Variants in BAZ1A observed in about 807,000 individuals in gnomAD.
The protein encoded by BAZ1A is bromodomain adjacent to zinc finger domain protein 1A.
A neutral mutation model predicts 185.2 loss-of-function variants in BAZ1A; 50 were observed. The observed-to-expected ratio is 0.27, with a 90% confidence interval of 0.22 to 0.34. The LOEUF (loss-of-function observed/expected upper bound fraction) is 0.34. BAZ1A is among the 10% of genes least tolerant of loss of function. The pLI is 1.00. For synonymous variants in BAZ1A, 571 were observed against 615.6 expected (o/e 0.93, Z 1.07); for missense variants, 1,356 against 1,839.9 (o/e 0.74, Z 4.81).
intron 2 of BAZ1A, among the ~76,000 whole-genome samples, chr14:34,872,934 A>ACAAAAAC (rs2042973752): frequency 7.7e-6 from 1 of 129,154 alleles, no homozygotes; most frequent in Non-Finnish European, 1.8e-5. Context: ...AAAAAAAAAA[A>ACAAAAAC]AAAAAAACTT....
chr14:34,824,125 C>G, intron 4 of BAZ1A, among the ~76,000 whole-genome samples: 1 of 150,086 alleles, frequency 6.7e-6, no homozygotes, highest in East Asian at 1.9e-4. Flanking sequence ...AATCCCAGCA[C>G]TTCAAGAGAC....
rs1388472438 is a variant in BAZ1A, at chr14:34,761,876, G to A, written c.4124C>T (p.Pro1375Leu). The change falls in exon 24 of 27, where the codon CCT becomes CTT. Residue 1375 changes from proline (P) to leucine (L), a missense_variant. By Grantham distance (98) the Pro-to-Leu change is moderately conservative. This residue lies in a region of BAZ1A where 309 missense variants were observed against 355.3 expected (regional missense o/e 0.87). Coordinates refer to ENST00000360310, the MANE Select transcript of BAZ1A (RefSeq NM_013448.3). ...CTTTGTGGCAATGACTCTGAAGTTA[G>A]GGAAGTTGGGACTATTTTCTGGTGT... is the stretch of plus-strand genomic sequence containing the variant. Reference protein sequence around the residue: ...NNTPENSPNFPNFRVIATKSS... With the variant: ...NNTPENSPNFLNFRVIATKSS... 2 of 1,614,198 alleles carry A rather than the reference G, an allele frequency of 1.2e-6. No individual in the cohort carries two copies. Among genetic ancestry groups the A allele is most frequent in the Non-Finnish European group, 1.7e-6 (2 of 1,180,034 alleles).
At chr14:34,813,584 T>C (rs1594866366) in intron 4 of BAZ1A, among the ~76,000 whole-genome samples, 1 of 152,250 alleles carries the variant, frequency 6.6e-6, no homozygotes, top group East Asian at 1.9e-4. Context: ...CTCAGGAGGC[T>C]GAGGCAGGAG....
chr14:34,782,276 G>A (rs1880084991), intron 16 of BAZ1A, among the ~76,000 whole-genome samples: 1 of 152,206 alleles, frequency 6.6e-6, no homozygotes, highest in Admixed American at 6.5e-5. Flanking sequence ...TGGGTGTGAA[G>A]TGGTATCTTA....
Position 34,755,743 on chromosome 14 carries a change from T to TATAA in BAZ1A, c.4387-830_4387-829insTTAT, listed in dbSNP as rs1309931363. Among the ~76,000 whole-genome samples, 7 of 151,928 alleles carry TATAA rather than the reference T, an allele frequency of 4.6e-5. No homozygotes were observed. The South Asian group carries it at 1.0e-3, about 23-fold the overall frequency. ...GATCACATTCTGCCATATATATATA[T>TATAA]AACCTAACTACAACACCATCTCATA... On this transcript the variant is annotated intron_variant, in intron 25 of 26. Transcript: ENST00000360310.
rs906849105 is a variant in BAZ1A, at chr14:34,808,095, C to CA, written c.639-558dup. 2.0e-4 allele frequency among the ~76,000 whole-genome samples: 29 copies of CA among 144,394 alleles called. 1 individual carries two copies. The highest frequency in any genetic ancestry group is 8.7e-4 in the South Asian group (4 of 4,602). The allele number at this position is 144,394 out of a possible 152,430, so 94.7% of individuals were successfully genotyped here. On this transcript the variant is annotated intron_variant, in intron 5 of 26. Transcript: ENST00000360310. The stretch of plus-strand genomic sequence containing the variant: ...TGGGCGACAGAGCAAGACTCTGTCT[C>CA]AAAAAAAAAGAAAATAAACTTTAAG...
In BAZ1A at chr14:34,847,782, A is replaced by AT. The variant is rs544149021; in HGVS notation, c.392+14261dup. On this transcript the variant is annotated intron_variant, in intron 3 of 26. Coordinates refer to ENST00000360310, the MANE Select transcript of BAZ1A (RefSeq NM_013448.3). ...GCTAGCAATATAAAAGTACCCAAAGATAAAAAATCAATTTTCTCATTTTTA... is the reference window on the plus strand; with the variant it reads ...GCTAGCAATATAAAAGTACCCAAAGATTAAAAAATCAATTTTCTCATTTTTA... Among the ~76,000 whole-genome samples the AT allele has an allele frequency of 1.4e-4, 22 of 152,336 alleles. No homozygotes were observed. In the South Asian group the frequency reaches 4.3e-3, roughly 30 times the overall value.
rs1194956459 is a variant in BAZ1A, at chr14:34,836,336, G to A, written c.393-10180C>T. ...GGAGCTTGCAGTGAGCCGAGATCGC[G>A]CCACTGCACTCCAGCCTGGGCGACA... On this transcript the variant is annotated intron_variant, in intron 3 of 26. Coordinates refer to ENST00000360310, the MANE Select transcript of BAZ1A (RefSeq NM_013448.3). Among the ~76,000 whole-genome samples the A allele has an allele frequency of 3.5e-4, 8 of 22,556 alleles. 1 individual carries two copies. The East Asian group carries it at 7.8e-3, about 22-fold the overall frequency. 14.8% of individuals were successfully genotyped at this position (22,556 alleles called of 152,430 possible).
chr14:34,760,522 TTA>T (rs1268983949), intron 24 of BAZ1A, among the ~76,000 whole-genome samples: 1 of 152,016 alleles, frequency 6.6e-6, no homozygotes, highest in Non-Finnish European at 1.5e-5. Flanking sequence ...GTGGCATTTT[TTA>T]TGTTTAGCTT....
intron 21 of BAZ1A, among the ~76,000 whole-genome samples, chr14:34,766,304 G>C (rs1878836893): frequency 6.6e-6 from 1 of 152,222 alleles, no homozygotes; most frequent in South Asian, 2.1e-4. Context: ...CACTTTAGAA[G>C]ATAAGAAACT....
Position 34,874,659 on chromosome 14 carries a change from T to G in BAZ1A, c.-55A>C. 1 of 1,467,658 alleles carries G rather than the reference T, an allele frequency of 6.8e-7. No homozygotes were observed. The highest frequency in any genetic ancestry group is 9.3e-7 in the Non-Finnish European group (1 of 1,072,428). The allele number at this position is 1,467,658 out of a possible 1,614,324, so 90.9% of individuals were successfully genotyped here. ...CCTCGGCCGCCCGCGCCGGCCCCGC[T>G]TCCCTATCAAAATTGGAGGGAAAGG... On this transcript the variant is annotated 5_prime_UTR_variant, in exon 2 of 27. Coordinates refer to ENST00000360310, the MANE Select transcript of BAZ1A (RefSeq NM_013448.3). This position sits in a 1 kb window ranked among gnomAD's most constrained non-coding sequence, Gnocchi z 4.7.
chr14:34,863,091 C>G (rs1176493159), intron 2 of BAZ1A, among the ~76,000 whole-genome samples: 1 of 144,012 alleles, frequency 6.9e-6, no homozygotes, highest in Non-Finnish European at 1.5e-5. Context: ...CAGGTTTAAG[C>G]GATTCTCCTG....
At chr14:34,834,817 T>TA (rs1225765072) in intron 3 of BAZ1A, among the ~76,000 whole-genome samples, 1 of 152,116 alleles carries the variant, frequency 6.6e-6, no homozygotes, top group Non-Finnish European at 1.5e-5. Context: ...GGGGTGTATG[T>TA]AAAAAAACAG....
Position 34,862,147 on chromosome 14 carries a change from G to A in BAZ1A, c.289C>T (p.His97Tyr), listed in dbSNP as rs2042779748. The change falls in exon 3 of 27, where the codon CAT (histidine) becomes TAT (tyrosine). Residue 97 changes from histidine (H) to tyrosine (Y), a missense_variant. By Grantham distance (83) the His-to-Tyr change is moderately conservative (BLOSUM62 2). Around this residue, in one of 7 missense-constraint regions of BAZ1A, gnomAD observed 332 missense variants for 395.3 expected, o/e 0.84. Coordinates refer to ENST00000360310, the MANE Select transcript of BAZ1A (RefSeq NM_013448.3). ...CAAATTTCATGTAAGCGCGAACGAT[G>A]GGTAAGGCTGGTCAAGTATAAAACT... ...IPVLYLTSLT[H>Y]RSRLHEICDD... is the part of the protein sequence containing the mutation. 2 of 1,614,064 alleles carry A rather than the reference G, an allele frequency of 1.2e-6. No homozygotes were observed. The highest frequency in any genetic ancestry group is 3.3e-5 in the Admixed American group (2 of 59,986).
At chr14:34,789,143 T>C (rs971689813) in intron 12 of BAZ1A, among the ~76,000 whole-genome samples, 1 of 152,202 alleles carries the variant, frequency 6.6e-6, no homozygotes, top group Admixed American at 6.5e-5. Flanking sequence ...ATGTTCATTT[T>C]ACATATAAAG....
chr14:34,806,409 C>A (rs61981239), intron 6 of BAZ1A, among the ~76,000 whole-genome samples: 9,621 of 152,084 alleles, frequency 0.063, 409 homozygotes, highest in Non-Finnish European at 0.098. Flanking sequence ...GTTTTAAGCA[C>A]GTGCCCATTA....
chr14:34,839,984 G>T (rs2042390054), intron 3 of BAZ1A, among the ~76,000 whole-genome samples: 1 of 151,924 alleles, frequency 6.6e-6, no homozygotes, highest in Non-Finnish European at 1.5e-5. Flanking sequence ...CTATAAAACT[G>T]ATTTTTAAAA....
At chr14:34,794,946 CAG>C (rs1189218763) in intron 10 of BAZ1A, 59 bp from the exon 11 acceptor site, 1 of 1,580,796 alleles carries the variant, frequency 6.3e-7, no homozygotes, top group Non-Finnish European at 8.6e-7. Flanking sequence ...ACTTAAAAGG[CAG>C]AGATGACATA....
intron 3 of BAZ1A, among the ~76,000 whole-genome samples, chr14:34,826,544 A>C (rs1204284302): frequency 6.6e-6 from 1 of 152,058 alleles, no homozygotes; most frequent in Non-Finnish European, 1.5e-5. Context: ...GTATCCCATA[A>C]ATTTTGGTAT....
Sources: gnomAD v4.1 joint callset for allele counts (sites outside exome capture counted in the v4.1 genomes callset) on GRCh38, gnomAD v4.1.1 for gene constraint, gnomAD v4.1.1 regional missense constraint, Gnocchi (gnomAD v3.1) non-coding constraint, MANE v1.5 for transcripts, NCBI Gene and HGNC (gene_info 2026-07-23, HGNC 2026-07-21) for gene names.